The following SIPA1L3 variants were observed in gnomAD, a reference collection of about 807,000 sequenced individuals.
The protein encoded by SIPA1L3 is signal induced proliferation associated 1 like 3.
Under a neutral mutation model 150.1 loss-of-function variants are expected in SIPA1L3, and 59 were observed. That is an observed-to-expected ratio of 0.39 (90% CI 0.32 to 0.49). The LOEUF (loss-of-function observed/expected upper bound fraction) is 0.49. Ranked by LOEUF, SIPA1L3 falls within the 20% of genes least tolerant of loss-of-function variation. The probability of loss-of-function intolerance (pLI) is 0.86; values close to 1 mark genes in which losing one functional copy is unlikely to be tolerated. For synonymous variants in SIPA1L3, 1,070 were observed against 1,077.6 expected (o/e 0.99, Z 0.14); for missense variants, 2,211 against 2,489.5 (o/e 0.89, Z 2.38).
intron 2 of SIPA1L3, among the ~76,000 whole-genome samples, chr19:38,060,478 G>A (rs1033013721): frequency 3.9e-5 from 6 of 152,144 alleles, no homozygotes; most frequent in African/African-American, 1.4e-4. Flanking sequence ...TAGTACAGGT[G>A]GGCTGCGGCT....
In SIPA1L3 at chr19:38,081,501, C is replaced by A. The variant is rs1225731059; in HGVS notation, c.-65C>A. 1.4e-6 allele frequency: 2 copies of A among 1,460,294 alleles called. No individual in the cohort carries two copies. Among genetic ancestry groups the A allele is most frequent in the Non-Finnish European group, 1.8e-6 (2 of 1,085,364 alleles). The allele number at this position is 1,460,294 out of a possible 1,614,324, so 90.5% of individuals were successfully genotyped here. A position where few individuals can be genotyped will look rare whatever the true frequency, so the allele number is the denominator to read the frequency against. Reference sequence around the variant, plus strand: ...GGCTGCCCTGAACAATGGCTGAGGGCTGGGGGACCCCATAGAGTGACACCA... The same window carrying A: ...GGCTGCCCTGAACAATGGCTGAGGGATGGGGGACCCCATAGAGTGACACCA... On this transcript the variant is annotated 5_prime_UTR_variant, in exon 3 of 22. The change creates a new upstream start codon in the 5' untranslated region. Transcript: ENST00000222345.
intron 6 of SIPA1L3, 138 bp downstream of exon 6, chr19:38,101,364 A>G (rs1970499399): frequency 3.6e-6 from 2 of 558,756 alleles, no homozygotes; most frequent in East Asian, 6.4e-5. Flanking sequence ...AGGAGCACAA[A>G]TAAGTGCAGC....
chr19:38,102,773 A>G (rs1229444364), intron 6 of SIPA1L3, among the ~76,000 whole-genome samples: 7 of 150,288 alleles, frequency 4.7e-5, no homozygotes, highest in African/African-American at 1.2e-4. Context: ...TTGAGACTGC[A>G]GTGAGCTATG....
intron 17 of SIPA1L3, 22 bp from the exon 18 acceptor site, chr19:38,193,515 A>G (rs1972849085): frequency 6.9e-7 from 1 of 1,439,654 alleles, no homozygotes; most frequent in Admixed American, 2.8e-5. Flanking sequence ...ACCTCCCCCA[A>G]CATCCCACCC....
In SIPA1L3 at chr19:37,999,089, G is replaced by T. The variant is rs116427470; in HGVS notation, c.-378-30000G>T. ...CCTGCTGCCCACAGACAGTTGGGAAGGTCCTGAGCCAGGGTGGCGATGGGT... is the reference window on the plus strand; with the variant it reads ...CCTGCTGCCCACAGACAGTTGGGAATGTCCTGAGCCAGGGTGGCGATGGGT... On this transcript the variant is annotated intron_variant, in intron 1 of 21. Coordinates refer to ENST00000222345, the MANE Select transcript of SIPA1L3 (RefSeq NM_015073.3). 9.7e-3 allele frequency among the ~76,000 whole-genome samples: 1,480 copies of T among 152,206 alleles called. 23 individuals carry two copies. Among genetic ancestry groups the T allele is most frequent in the African/African-American group, 0.033 (1,371 of 41,528 alleles).
chr19:37,984,592 T>C (rs1242590831), intron 1 of SIPA1L3, among the ~76,000 whole-genome samples: 2 of 152,210 alleles, frequency 1.3e-5, no homozygotes. Flanking sequence ...TCGGTATTCA[T>C]TTCTGCAAAG....
intron 8 of SIPA1L3, among the ~76,000 whole-genome samples, chr19:38,118,413 A>G (rs927880063): frequency 1.3e-5 from 2 of 152,078 alleles, no homozygotes; most frequent in South Asian, 2.1e-4. Context: ...GTTTTTGCCA[A>G]ACTGTAAGAT....
chr19:38,059,713 C>T (rs1009205966), intron 2 of SIPA1L3, among the ~76,000 whole-genome samples: 5 of 152,116 alleles, frequency 3.3e-5, no homozygotes, highest in East Asian at 1.9e-4. Flanking sequence ...TCAGGTAACC[C>T]GGGTCCAGAA....
chr19:38,083,992 CAAAAAAAA>C (rs748446835), intron 3 of SIPA1L3, among the ~76,000 whole-genome samples: 3 of 71,496 alleles, frequency 4.2e-5, no homozygotes, highest in Non-Finnish European at 5.8e-5. Context: ...GACTCTGTCT[CAAAAAAAA>C]AAAAAAAAAA....
chr19:37,954,109 G>C (rs1269532890), intron 1 of SIPA1L3, among the ~76,000 whole-genome samples: 1 of 152,048 alleles, frequency 6.6e-6, no homozygotes, highest in South Asian at 2.1e-4. Context: ...CTACCTTATT[G>C]AGTAAAGTAC....
At chr19:38,023,838 G>T (rs1447670916) in intron 1 of SIPA1L3, among the ~76,000 whole-genome samples, 2 of 152,206 alleles carry the variant, frequency 1.3e-5, no homozygotes, top group East Asian at 1.9e-4. Flanking sequence ...ACTGCCCAGG[G>T]TGTTTATTCT....
intron 2 of SIPA1L3, among the ~76,000 whole-genome samples, chr19:38,068,020 ATTTT>A (rs35795522): frequency 3.8e-4 from 51 of 135,954 alleles, no homozygotes; most frequent in South Asian, 7.0e-4. Flanking sequence ...GAAAAATCAG[ATTTT>A]TTTTTTTTTT....
chr19:38,020,642 A>G (rs1450298966), intron 1 of SIPA1L3, among the ~76,000 whole-genome samples: 1 of 152,202 alleles, frequency 6.6e-6, no homozygotes, highest in East Asian at 1.9e-4. Flanking sequence ...CTTTAAAATG[A>G]CAGTCACCCT....
rs547302804 is a variant in SIPA1L3 at position 37,926,787 on chromosome 19, C to CT, written c.-379+19430dup. Among the ~76,000 whole-genome samples the CT allele has an allele frequency of 6.5e-4, 99 of 152,276 alleles. 1 individual carries two copies. In the Middle Eastern group the frequency reaches 0.014, roughly 21 times the overall value. Reference sequence around the variant, plus strand: ...GTTGTGTCAGTTGGTAAGCCTTTGGCTGCAAACAGTAGTAACAGCATCAGC... The same window carrying CT: ...GTTGTGTCAGTTGGTAAGCCTTTGGCTTGCAAACAGTAGTAACAGCATCAGC... On this transcript the variant is annotated intron_variant, in intron 1 of 21. Coordinates refer to ENST00000222345, the MANE Select transcript of SIPA1L3 (RefSeq NM_015073.3).
At chr19:38,175,597 T>C (rs140647438) in intron 15 of SIPA1L3, among the ~76,000 whole-genome samples, 2 of 152,224 alleles carry the variant, frequency 1.3e-5, no homozygotes, top group Non-Finnish European at 2.9e-5. Flanking sequence ...CTACCACCAG[T>C]GCTGTCTGAG....
intron 13 of SIPA1L3, among the ~76,000 whole-genome samples, chr19:38,160,740 C>T (rs1303848274): frequency 6.6e-6 from 1 of 152,128 alleles, no homozygotes; most frequent in East Asian, 1.9e-4. Context: ...ACCCGCTTCA[C>T]CTTTGGACCA....
chr19:38,170,024 A>C (rs1001794015), intron 15 of SIPA1L3, among the ~76,000 whole-genome samples: 3 of 74,946 alleles, frequency 4.0e-5, no homozygotes, highest in Non-Finnish European at 5.6e-5. Flanking sequence ...GGTGGGCTGG[A>C]GGGGGGCCAG....
chr19:38,185,470 G>GC (rs1408364380), intron 16 of SIPA1L3: 1 of 151,906 alleles, frequency 6.6e-6, no homozygotes, highest in African/African-American at 2.4e-5. Flanking sequence ...CCCACTCTAG[G>GC]CCCACTCCTG....
chr19:38,150,112 T>C lies in SIPA1L3; in HGVS notation c.3534-2728T>C, dbSNP rs554590473. 5.9e-5 allele frequency among the ~76,000 whole-genome samples: 9 copies of C among 152,276 alleles called. No individual in the cohort carries two copies. The South Asian group carries it at 1.9e-3, about 32-fold the overall frequency. ...TCAAAGTTGCTTTTGTAAAATCCCT[T>C]TGATTGCTGGAAACTGGGCCCTCAG... On this transcript the variant is annotated intron_variant, in intron 12 of 21. Coordinates refer to ENST00000222345, the MANE Select transcript of SIPA1L3 (RefSeq NM_015073.3).
Sources: allele counts gnomAD v4.1 joint callset (sites outside exome capture counted in the v4.1 genomes callset), GRCh38; gene constraint gnomAD v4.1.1; transcripts MANE v1.5; gene names NCBI Gene and HGNC (gene_info 2026-07-23, HGNC 2026-07-21).